Variants in MARCHF4 observed in about 807,000 individuals in gnomAD.
The protein encoded by MARCHF4 is membrane associated ring-CH-type finger 4, also known as E3 ubiquitin-protein ligase MARCHF4.
A neutral mutation model predicts 43.9 loss-of-function variants in MARCHF4; 14 were observed. The observed-to-expected ratio is 0.32, with a 90% CI of 0.21 to 0.50. The LOEUF (loss-of-function observed/expected upper bound fraction) is 0.50, where lower values mean the gene tolerates loss of function less well. Ranked by LOEUF, MARCHF4 falls within the 20% of genes least tolerant of loss-of-function variation. The pLI, the probability that MARCHF4 is intolerant of heterozygous loss-of-function variation, is 0.98. For synonymous variants in MARCHF4, 226 were observed against 213.3 expected (o/e 1.06, Z -0.52); for missense variants, 468 against 536.7 (o/e 0.87, Z 1.27).
At chr2:216,274,842 C>T (rs774078347) in intron 3 of MARCHF4, among the ~76,000 whole-genome samples, 20 of 152,164 alleles carry the variant, frequency 1.3e-4, no homozygotes, top group Admixed American at 3.3e-4. Flanking sequence ...TCCTTGCCCC[C>T]GCAGTCATGC....
chr2:216,324,063 G>A (rs1378208383), intron 1 of MARCHF4, among the ~76,000 whole-genome samples: 10 of 150,724 alleles, frequency 6.6e-5, no homozygotes, highest in South Asian at 2.1e-4. Flanking sequence ...TTGATAGACC[G>A]CTAGCAAGAC....
chr2:216,273,184 A>G (rs1033841995), intron 3 of MARCHF4, among the ~76,000 whole-genome samples: 2 of 152,232 alleles, frequency 1.3e-5, no homozygotes, highest in African/African-American at 4.8e-5. Context: ...GCTGTCCCTC[A>G]GCACACCGCT....
intron 1 of MARCHF4, among the ~76,000 whole-genome samples, chr2:216,321,273 A>G (rs1295033852): frequency 6.6e-6 from 1 of 152,198 alleles, no homozygotes; most frequent in Admixed American, 6.5e-5. Context: ...ATAGGAATGC[A>G]ATGGTAAATA....
At chr2:216,288,167 G>A (rs116425140) in intron 1 of MARCHF4, among the ~76,000 whole-genome samples, 2 of 152,186 alleles carry the variant, frequency 1.3e-5, no homozygotes, top group African/African-American at 2.4e-5. Flanking sequence ...ATTTCACCAC[G>A]TAGCCCAGGC....
intron 1 of MARCHF4, among the ~76,000 whole-genome samples, chr2:216,300,443 G>C (rs547597367): frequency 1.3e-5 from 2 of 151,084 alleles, no homozygotes; most frequent in Admixed American, 1.3e-4. Flanking sequence ...TCCCAGGCTC[G>C]AGTGATCGTC....
chr2:216,281,483 C>A (rs1691127074), intron 2 of MARCHF4, among the ~76,000 whole-genome samples: 1 of 152,210 alleles, frequency 6.6e-6, no homozygotes, highest in Non-Finnish European at 1.5e-5. Context: ...TTGCTCCGCC[C>A]ACTTGTGGTG....
At chr2:216,322,427 G>A (rs1691911638) in intron 1 of MARCHF4, among the ~76,000 whole-genome samples, 1 of 152,186 alleles carries the variant, frequency 6.6e-6, no homozygotes, top group South Asian at 2.1e-4. Flanking sequence ...GACCTTCAGG[G>A]GACCTGTGAA....
intron 3 of MARCHF4, among the ~76,000 whole-genome samples, chr2:216,276,688 T>C (rs1691027754): frequency 6.6e-6 from 1 of 152,232 alleles, no homozygotes; most frequent in African/African-American, 2.4e-5. Context: ...ACAATATACA[T>C]ACTAACAACA....
Position 216,367,240 on chromosome 2 carries a change from T to C in MARCHF4, c.516+2505A>G, listed in dbSNP as rs147940276. Among the ~76,000 whole-genome samples, 301 of 152,276 alleles carry C rather than the reference T, an allele frequency of 2.0e-3. 3 individuals carry two copies. Among genetic ancestry groups the C allele is most frequent in the African/African-American group, 6.7e-3 (278 of 41,550 alleles). On this transcript the variant is annotated intron_variant, in intron 1 of 3. Transcript: ENST00000273067. ...TCCAGGGCCATGTGTAGACAATTGC[T>C]GGACAGCTCTCTCCCTGAACAGAAA...
chr2:216,263,517 G>GAGAGAGAA (rs1559280552), intron 3 of MARCHF4, among the ~76,000 whole-genome samples: 15 of 97,316 alleles, frequency 1.5e-4, no homozygotes, highest in African/African-American at 3.6e-4. Context: ...GAGAGAGAGA[G>GAGAGAGAA]AGAGAGAGAG....
In MARCHF4 at chr2:216,360,108, C is replaced by A. The variant is rs1042832201; in HGVS notation, c.516+9637G>T. Among the ~76,000 whole-genome samples the A allele has an allele frequency of 3.9e-5, 6 of 152,116 alleles. No homozygotes were observed. The South Asian group carries it at 1.0e-3, about 26-fold the overall frequency. On this transcript the variant is annotated intron_variant, in intron 1 of 3. Coordinates refer to ENST00000273067, the MANE Select transcript of MARCHF4 (RefSeq NM_020814.3). Reference sequence around the variant, plus strand: ...GAAAATGCAGATCCCAGGGCACTACCCTGGGATCACAGCCTGGGACTCCAT... The same window carrying A: ...GAAAATGCAGATCCCAGGGCACTACACTGGGATCACAGCCTGGGACTCCAT...
Position 216,259,337 on chromosome 2 carries a change from A to C in MARCHF4, c.1208T>G (p.Leu403Arg). ...QRSPPGSSRE[L>R]VMRVTTV is the part of the protein sequence containing the mutation. ...TCACACTGTCGTGACTCTCATGACC[A>C]GCTCTCGGCTGCTGCCTGGGGGACT... The change falls in exon 4 of 4, where the codon CTG (leucine) becomes CGG (arginine). Residue 403 changes from leucine (L) to arginine (R), a missense_variant. Physicochemically the swap from Leu to Arg is moderately radical, Grantham distance 102. Coordinates refer to ENST00000273067, the MANE Select transcript of MARCHF4 (RefSeq NM_020814.3). 1 of 1,560,898 alleles carries C rather than the reference A, an allele frequency of 6.4e-7. No individual in the cohort carries two copies. Among genetic ancestry groups the C allele is most frequent in the Non-Finnish European group, 8.7e-7 (1 of 1,150,864 alleles).
intron 1 of MARCHF4, among the ~76,000 whole-genome samples, chr2:216,324,240 A>T (rs1691951771): frequency 6.8e-6 from 1 of 147,926 alleles, no homozygotes; most frequent in African/African-American, 2.5e-5. Flanking sequence ...TCCTCGACAC[A>T]TACACTCTCC....
chr2:216,341,488 G>A (rs1692234476), intron 1 of MARCHF4, among the ~76,000 whole-genome samples: 1 of 152,138 alleles, frequency 6.6e-6, no homozygotes, highest in African/African-American at 2.4e-5. Context: ...ATCTGGGAGG[G>A]CCCTCTTCTG....
chr2:216,274,578 C>T (rs1320721952), intron 3 of MARCHF4, among the ~76,000 whole-genome samples: 1 of 152,190 alleles, frequency 6.6e-6, no homozygotes, highest in South Asian at 2.1e-4. Flanking sequence ...TGGTTATCAT[C>T]ATTTTACCAT....
chr2:216,368,614 CCAGT>C (rs1692703885), intron 1 of MARCHF4, among the ~76,000 whole-genome samples: 1 of 152,200 alleles, frequency 6.6e-6, no homozygotes, highest in African/African-American at 2.4e-5. Context: ...AGAACCAGAG[CCAGT>C]CAAAGCCTGG....
At chr2:216,363,682 TG>T (rs1243600554) in intron 1 of MARCHF4, among the ~76,000 whole-genome samples, 1 of 152,162 alleles carries the variant, frequency 6.6e-6, no homozygotes, top group Non-Finnish European at 1.5e-5. Flanking sequence ...GGGTCCATAA[TG>T]GTGTCTGTTG....
At chr2:216,260,341 C>A (rs1188932421) in intron 3 of MARCHF4, among the ~76,000 whole-genome samples, 1 of 152,188 alleles carries the variant, frequency 6.6e-6, no homozygotes, top group Non-Finnish European at 1.5e-5. Context: ...ACACAATAGA[C>A]AAACAAACCA....
chr2:216,314,002 C>G (rs578171026), intron 1 of MARCHF4, among the ~76,000 whole-genome samples: 1 of 152,238 alleles, frequency 6.6e-6, no homozygotes, highest in African/African-American at 2.4e-5. Flanking sequence ...TTCTATTTCC[C>G]TCTTGCATCC....
Sources: gnomAD v4.1 joint callset for allele counts (sites outside exome capture counted in the v4.1 genomes callset) on GRCh38, gnomAD v4.1.1 for gene constraint, MANE v1.5 for transcripts, NCBI Gene and HGNC (gene_info 2026-07-23, HGNC 2026-07-21) for gene names.